The following KCNQ5 variants were observed in gnomAD, a reference collection of about 807,000 sequenced individuals.
KCNQ5 encodes the protein potassium voltage-gated channel subfamily KQT member 5.
Under a neutral mutation model 98.2 loss-of-function variants are expected in KCNQ5, and 30 were observed. That is an observed-to-expected ratio of 0.31 (90% confidence interval 0.23 to 0.41). The LOEUF is 0.41. Among genes scored for constraint, KCNQ5 ranks in the 10% least tolerant of loss-of-function variants. The pLI, the probability that KCNQ5 is intolerant of heterozygous loss-of-function variation, is 1.00. For synonymous variants in KCNQ5, 458 were observed against 449.4 expected (o/e 1.02, Z -0.24); for missense variants, 835 against 1,182.5 (o/e 0.71, Z 4.31).
intron 1 of KCNQ5, among the ~76,000 whole-genome samples, chr6:72,932,251 T>G (rs1161463493): frequency 6.6e-6 from 1 of 151,848 alleles, no homozygotes; most frequent in Non-Finnish European, 1.5e-5. Context: ...AATATGTGTG[T>G]TTGTGTGTGT....
At chr6:73,100,511 C>CA (rs70994162) in intron 5 of KCNQ5, among the ~76,000 whole-genome samples, 109,162 of 148,900 alleles carry the variant, frequency 0.73, 44,706 homozygotes, top group South Asian at 0.94. Flanking sequence ...CTAAAAAATA[C>CA]AAAAAAAAAT....
intron 5 of KCNQ5, among the ~76,000 whole-genome samples, chr6:73,104,764 A>G (rs538905512): frequency 8.7e-4 from 133 of 152,302 alleles, no homozygotes; most frequent in Admixed American, 2.2e-3. Flanking sequence ...TTAATTATTC[A>G]TGTGTGGCAT....
chr6:72,825,065 A>T (rs1360388028), intron 1 of KCNQ5, among the ~76,000 whole-genome samples: 2 of 152,146 alleles, frequency 1.3e-5, no homozygotes, highest in East Asian at 3.9e-4. Context: ...CCTCTGGGTA[A>T]TGATGTCATC....
At chr6:72,841,019 A>G (rs952623886) in intron 1 of KCNQ5, among the ~76,000 whole-genome samples, 4 of 152,230 alleles carry the variant, frequency 2.6e-5, no homozygotes, top group Non-Finnish European at 1.5e-5. Flanking sequence ...GCTCTCAAGT[A>G]ACTACGGAGC....
chr6:73,106,250 T>C (rs893295644), intron 6 of KCNQ5, among the ~76,000 whole-genome samples: 2 of 152,154 alleles, frequency 1.3e-5, no homozygotes, highest in African/African-American at 4.8e-5. Flanking sequence ...GTCCCACCAG[T>C]GCCCAACTTG....
At chr6:73,058,237 G>A (rs1259075302) in intron 3 of KCNQ5, among the ~76,000 whole-genome samples, 1 of 151,892 alleles carries the variant, frequency 6.6e-6, no homozygotes, top group African/African-American at 2.4e-5. Flanking sequence ...ACGGTGAAAC[G>A]CCATCTCTAC....
At chr6:73,060,921 G>T (rs554812902) in intron 3 of KCNQ5, among the ~76,000 whole-genome samples, 21 of 152,140 alleles carry the variant, frequency 1.4e-4, no homozygotes, top group Admixed American at 6.5e-5. Flanking sequence ...GTGCAAAGGG[G>T]TATCACCCTT....
At chr6:72,844,456 T>C (rs944340350) in intron 1 of KCNQ5, among the ~76,000 whole-genome samples, 5 of 152,238 alleles carry the variant, frequency 3.3e-5, no homozygotes, top group African/African-American at 9.6e-5. Context: ...ATGAAACATA[T>C]TCTTCAGTAA....
chr6:73,043,325 A>G, intron 3 of KCNQ5: 1 of 176,204 alleles, frequency 5.7e-6, no homozygotes. Flanking sequence ...AGTTAAATCT[A>G]TCTTAAAATA....
intron 1 of KCNQ5, among the ~76,000 whole-genome samples, chr6:72,705,557 C>T (rs192630917): frequency 1.2e-4 from 18 of 149,350 alleles, no homozygotes; most frequent in Non-Finnish European, 2.1e-4. Flanking sequence ...TTTTACTGTC[C>T]AAATTTTTTT....
chr6:73,062,153 A>C (rs1310983640), intron 3 of KCNQ5, among the ~76,000 whole-genome samples: 1 of 152,168 alleles, frequency 6.6e-6, no homozygotes, highest in Non-Finnish European at 1.5e-5. Context: ...TTTAATTAGA[A>C]GGGCTTTTGA....
At chr6:73,192,841 A>G (rs1235035367) in intron 13 of KCNQ5, 150 bp downstream of exon 13, 2 of 620,950 alleles carry the variant, frequency 3.2e-6, no homozygotes, top group African/African-American at 3.8e-5. Context: ...GTGTGTAGAC[A>G]GTGCTCTCTG....
intron 7 of KCNQ5, among the ~76,000 whole-genome samples, chr6:73,112,613 G>A (rs1035904265): frequency 2.6e-5 from 4 of 152,162 alleles, no homozygotes; most frequent in African/African-American, 9.6e-5. Context: ...CCAAAGTGCT[G>A]GGATTACAGG....
At position 72,838,907 on chromosome 6, in the gene KCNQ5, G is replaced by A. The variant is rs1426773394; in HGVS notation, c.399-165001G>A. 6.5e-5 allele frequency among the ~76,000 whole-genome samples: 8 copies of A among 123,904 alleles called. No homozygotes were observed. In the Admixed American group the frequency reaches 8.0e-4, roughly 12 times the overall value. 81.3% of individuals were successfully genotyped at this position (123,904 alleles called of 152,430 possible). A position where few individuals can be genotyped will look rare whatever the true frequency, so the allele number is the denominator to read the frequency against. Reference sequence around the variant, plus strand: ...GGAGCTTGCAGTGAGCCGAGATCCCGCCACTGCACTCCAGCCTGGGCGACA... The same window carrying A: ...GGAGCTTGCAGTGAGCCGAGATCCCACCACTGCACTCCAGCCTGGGCGACA... On this transcript the variant is annotated intron_variant, in intron 1 of 13. Coordinates refer to ENST00000370398, the MANE Select transcript of KCNQ5 (RefSeq NM_019842.4).
At chr6:73,193,504 TAAA>T in intron 13 of KCNQ5, among the ~76,000 whole-genome samples, 1 of 148,982 alleles carries the variant, frequency 6.7e-6, no homozygotes, top group Admixed American at 6.7e-5. Context: ...TAAAATAAAA[TAAA>T]ATATAAAATA....
chr6:72,899,876 C>T (rs149883545), intron 1 of KCNQ5, among the ~76,000 whole-genome samples: 147 of 151,836 alleles, frequency 9.7e-4, no homozygotes, highest in Non-Finnish European at 1.4e-3. Flanking sequence ...GACAGAGTCT[C>T]ACTCTGTCAC....
At chr6:72,808,929 G>A (rs1027419418) in intron 1 of KCNQ5, among the ~76,000 whole-genome samples, 2 of 151,630 alleles carry the variant, frequency 1.3e-5, no homozygotes, top group African/African-American at 4.9e-5. Flanking sequence ...CTGCTATAAA[G>A]ACACATGCAC....
At chr6:72,672,299 T>C (rs183828393) in intron 1 of KCNQ5, among the ~76,000 whole-genome samples, 18 of 151,634 alleles carry the variant, frequency 1.2e-4, no homozygotes, top group Non-Finnish European at 2.5e-4. Context: ...AGTTTCGCCA[T>C]GTTGGGCAGA....
chr6:73,181,865 A>G (rs1778414351), intron 11 of KCNQ5, among the ~76,000 whole-genome samples: 1 of 152,224 alleles, frequency 6.6e-6, no homozygotes, highest in Non-Finnish European at 1.5e-5. Context: ...TATCTGCAAA[A>G]CAGGGATGGC....
Sources: gnomAD v4.1 joint callset for allele counts (sites outside exome capture counted in the v4.1 genomes callset) on GRCh38, gnomAD v4.1.1 for gene constraint, MANE v1.5 for transcripts, NCBI Gene and HGNC (gene_info 2026-07-23, HGNC 2026-07-21) for gene names.